The following ADAM10 variants were observed in gnomAD, a reference collection of about 807,000 sequenced individuals.
ADAM10 encodes the protein ADAM metallopeptidase domain 10, also known as disintegrin and metalloproteinase domain-containing protein 10.
Under a neutral mutation model 90.1 loss-of-function variants are expected in ADAM10, and 17 were observed. The ratio of observed to expected loss-of-function variants is 0.19; its 90% CI spans 0.13 to 0.28. ADAM10 has a LOEUF of 0.28. Ranked by LOEUF, ADAM10 falls within the 10% of genes least tolerant of loss-of-function variation. The probability of loss-of-function intolerance (pLI) is 1.00; values close to 1 mark genes in which losing one functional copy is unlikely to be tolerated. For missense variants in ADAM10, 610 were observed against 914.3 expected, an observed-to-expected ratio of 0.67 and a Z score of 4.29; for synonymous variants, 310 against 298.6, an observed-to-expected ratio of 1.04 and a Z score of -0.40.
At chr15:58,643,251 G>A (rs1414098634) in intron 7 of ADAM10, among the ~76,000 whole-genome samples, 1 of 151,814 alleles carries the variant, frequency 6.6e-6, no homozygotes, top group African/African-American at 2.4e-5. Context: ...CTATGGCTCC[G>A]GATCAGCTTT....
chr15:58,723,879 A>G (rs530881929), intron 1 of ADAM10, among the ~76,000 whole-genome samples: 4 of 152,254 alleles, frequency 2.6e-5, no homozygotes, highest in African/African-American at 9.6e-5. Context: ...TGAGAAGAAA[A>G]CAAACGACAT....
intron 11 of ADAM10, among the ~76,000 whole-genome samples, chr15:58,612,657 C>T (rs1895476905): frequency 6.6e-6 from 1 of 152,150 alleles, no homozygotes; most frequent in South Asian, 2.1e-4. Flanking sequence ...TGACCCAACT[C>T]GTCACTGAGT....
At chr15:58,665,274 A>T (rs1897053395) in intron 4 of ADAM10, 77 bp from the exon 5 acceptor site, 1 of 1,149,308 alleles carries the variant, frequency 8.7e-7, no homozygotes, top group African/African-American at 1.5e-5. Context: ...TACAAGTAAA[A>T]ATTTAACTGT....
intron 1 of ADAM10, among the ~76,000 whole-genome samples, chr15:58,730,669 G>C (rs1360423918): frequency 3.3e-5 from 5 of 152,154 alleles, no homozygotes; most frequent in African/African-American, 1.2e-4. Context: ...GATTAAGGAA[G>C]ACCTAGAGAG....
intron 2 of ADAM10, among the ~76,000 whole-genome samples, chr15:58,689,726 A>C (rs1217728390): frequency 6.6e-6 from 1 of 152,094 alleles, no homozygotes; most frequent in African/African-American, 2.4e-5. Flanking sequence ...AAACTCCTTA[A>C]AAGGTACAAA....
chr15:58,621,319 T>C lies in ADAM10; in HGVS notation c.1511+152A>G, dbSNP rs912505633. 152 of 676,394 alleles carry C rather than the reference T, an allele frequency of 2.2e-4. No homozygotes were observed. In the Admixed American group the frequency reaches 3.5e-3, roughly 15 times the overall value. The allele number at this position is 676,394 out of a possible 1,614,324, so 41.9% of individuals were successfully genotyped here. A position where few individuals can be genotyped will look rare whatever the true frequency, so the allele number is the denominator to read the frequency against. The stretch of plus-strand genomic sequence containing the variant: ...GTTCAATCTGCCAATAACAGAGCAG[T>C]AACCAACACTACTTCAGAAAAAGAA... On this transcript the variant is annotated intron_variant, in intron 11 of 15. Transcript: ENST00000260408.
At chr15:58,737,063 C>T (rs1180950737) in intron 1 of ADAM10, among the ~76,000 whole-genome samples, 1 of 152,106 alleles carries the variant, frequency 6.6e-6, no homozygotes, top group African/African-American at 2.4e-5. Context: ...GCCTCCTTGT[C>T]ACAGGAGAGC....
chr15:58,700,207 A>G (rs1463608839), intron 2 of ADAM10, among the ~76,000 whole-genome samples: 2 of 152,230 alleles, frequency 1.3e-5, no homozygotes, highest in African/African-American at 4.8e-5. Context: ...TTAACAAAGA[A>G]TCATTGGATT....
chr15:58,678,031 G>A (rs1398775057), intron 4 of ADAM10, among the ~76,000 whole-genome samples: 1 of 152,118 alleles, frequency 6.6e-6, no homozygotes, highest in African/African-American at 2.4e-5. Flanking sequence ...TTATGAAGGA[G>A]GATGATAGCT....
rs1164846744 is a variant in ADAM10, at chr15:58,688,782, A to ATC, written c.207-6469_207-6468insGA. Among the ~76,000 whole-genome samples, 9 of 129,116 alleles carry ATC rather than the reference A, an allele frequency of 7.0e-5. No homozygotes were observed. In the East Asian group the frequency reaches 7.0e-4, roughly 10 times the overall value. The allele number at this position is 129,116 out of a possible 152,430, so 84.7% of individuals were successfully genotyped here. A position where few individuals can be genotyped will look rare whatever the true frequency, so the allele number is the denominator to read the frequency against. On this transcript the variant is annotated intron_variant, in intron 2 of 15. Coordinates refer to ENST00000260408, the MANE Select transcript of ADAM10 (RefSeq NM_001110.4). ...AAAAAAAAATTATATATATATATAT[A>ATC]TATATCTCTCTCTCTCACTGGACTG...
chr15:58,610,500 C>T lies in ADAM10; in HGVS notation c.1822G>A (p.Ala608Thr). Residue 608 changes from alanine to threonine, a missense_variant, in exon 14 of 16, where the codon GCC (alanine) becomes ACC (threonine). Around this residue, in one of 4 missense-constraint regions of ADAM10, gnomAD observed 150 missense variants for 268.5 expected, o/e 0.56. Transcript: ENST00000260408. Reference protein sequence around the residue: ...CMKKMDPSTCASTGSVQWSRH... With the variant: ...CMKKMDPSTCTSTGSVQWSRH... ...CTCCACTGCACAGACCCTGTACTGG[C>T]ACAAGTTGATGGGTCCACTGGAAAA... 2 of 1,614,054 alleles carry T rather than the reference C, an allele frequency of 1.2e-6. No individual in the cohort carries two copies. Among genetic ancestry groups the T allele is most frequent in the Non-Finnish European group, 1.7e-6 (2 of 1,180,012 alleles).
intron 14 of ADAM10, among the ~76,000 whole-genome samples, chr15:58,601,085 A>C (rs1268377012): frequency 1.1e-4 from 16 of 152,266 alleles, no homozygotes; most frequent in Admixed American, 6.5e-5. Flanking sequence ...AGCCTTTCCT[A>C]CTTTCTAAAC....
chr15:58,715,791 GC>G (rs1331196863), intron 2 of ADAM10, among the ~76,000 whole-genome samples: 2 of 152,028 alleles, frequency 1.3e-5, no homozygotes, highest in Non-Finnish European at 2.9e-5. Flanking sequence ...ATTTAGTTTT[GC>G]CATTTATTCA....
rs1248840588 is a variant in ADAM10 at position 58,713,815 on chromosome 15, CT to C, written c.206+3761del. On this transcript the variant is annotated intron_variant, in intron 2 of 15. Coordinates refer to ENST00000260408, the MANE Select transcript of ADAM10 (RefSeq NM_001110.4). ...CAACAGCTTTTCATAGAATTCTTTTCTTTTTTTTTTTTTTCTGAGATGAAGT... is the reference window on the plus strand; with the variant it reads ...CAACAGCTTTTCATAGAATTCTTTTCTTTTTTTTTTTTTCTGAGATGAAGT... Among the ~76,000 whole-genome samples, 187 of 142,096 alleles carry C rather than the reference CT, an allele frequency of 1.3e-3. 1 individual carries two copies. The East Asian group carries it at 0.016, about 12-fold the overall frequency. The allele number at this position is 142,096 out of a possible 152,430, so 93.2% of individuals were successfully genotyped here. A position where few individuals can be genotyped will look rare whatever the true frequency, so the allele number is the denominator to read the frequency against.
chr15:58,662,317 C>T (rs550848989), intron 5 of ADAM10, among the ~76,000 whole-genome samples: 61 of 152,256 alleles, frequency 4.0e-4, no homozygotes, highest in African/African-American at 1.4e-3. Context: ...GCTACTACCA[C>T]GGCTTGGGAT....
rs1898959529 is a variant in ADAM10 at position 58,724,323 on chromosome 15, T to G, written c.56-6596A>C. Reference sequence around the variant, plus strand: ...ATGTCCATAACTCACACTAGACAGATTCTAGGGTGGGAGGCAGGGTAAAAA... The same window carrying G: ...ATGTCCATAACTCACACTAGACAGAGTCTAGGGTGGGAGGCAGGGTAAAAA... On this transcript the variant is annotated intron_variant, in intron 1 of 15. Transcript: ENST00000260408. 3.3e-5 allele frequency among the ~76,000 whole-genome samples: 5 copies of G among 152,118 alleles called. No homozygotes were observed. The South Asian group carries it at 1.0e-3, about 32-fold the overall frequency.
Position 58,593,148 on chromosome 15 carries a change from A to ATTTTT in ADAM10, c.*4398_*4399insAAAAA, listed in dbSNP as rs1566960143. 1.8e-5 allele frequency: 2 copies of ATTTTT among 110,582 alleles called. No homozygotes were observed. The highest frequency in any genetic ancestry group is 3.9e-5 in the Non-Finnish European group (2 of 51,786). The allele number at this position is 110,582 out of a possible 1,614,324, so 6.9% of individuals were successfully genotyped here. A position where few individuals can be genotyped will look rare whatever the true frequency, so the allele number is the denominator to read the frequency against. ...AAAAGTAACAAAGGCCAGGTACTCAAATTTTTTTTTTTTTTTTTTTTTTTT... is the reference window on the plus strand; with the variant it reads ...AAAAGTAACAAAGGCCAGGTACTCAATTTTTATTTTTTTTTTTTTTTTTTTTTTTT... On this transcript the variant is annotated 3_prime_UTR_variant, in exon 16 of 16. Coordinates refer to ENST00000260408, the MANE Select transcript of ADAM10 (RefSeq NM_001110.4).
chr15:58,712,850 G>T (rs1042054010), intron 2 of ADAM10, among the ~76,000 whole-genome samples: 1 of 151,892 alleles, frequency 6.6e-6, no homozygotes, highest in African/African-American at 2.4e-5. Context: ...GACAGGAACG[G>T]CAGGACAACA....
rs141275869 is a variant in ADAM10, at chr15:58,636,140, G to A, written c.1013-2781C>T. On this transcript the variant is annotated intron_variant, in intron 8 of 15. Coordinates refer to ENST00000260408, the MANE Select transcript of ADAM10 (RefSeq NM_001110.4). ...AAAATTACAAAAATTAGCCAGGCGA[G>A]GTGGTGCATGCATGTAATCCCAGCT... is the stretch of plus-strand genomic sequence containing the variant. 9.8e-3 allele frequency among the ~76,000 whole-genome samples: 1,491 copies of A among 152,228 alleles called. 24 individuals carry two copies. Among genetic ancestry groups the A allele is most frequent in the African/African-American group, 0.034 (1,406 of 41,538 alleles).
Sources: gnomAD v4.1 joint callset for allele counts (sites outside exome capture counted in the v4.1 genomes callset) on GRCh38, gnomAD v4.1.1 for gene constraint, gnomAD v4.1.1 regional missense constraint, MANE v1.5 for transcripts, NCBI Gene and HGNC (gene_info 2026-07-23, HGNC 2026-07-21) for gene names.